UNC13C: variants seen among roughly 807,000 people sequenced by gnomAD.
UNC13C encodes protein unc-13 homolog C.
Under a neutral mutation model 245.4 loss-of-function variants are expected in UNC13C, and 174 were observed. The ratio of observed to expected loss-of-function variants is 0.71; its 90% CI spans 0.63 to 0.80. UNC13C has a LOEUF of 0.80. Ranked by LOEUF, UNC13C falls within the 30% of genes least tolerant of loss-of-function variation. The pLI is 0.00. For missense variants in UNC13C, 2,829 were observed against 2,602.9 expected (o/e 1.09, Z -1.89); for synonymous variants, 992 against 895.1 (o/e 1.11, Z -1.93).
At chr15:54,346,921 A>G (rs192859984) in intron 17 of UNC13C, among the ~76,000 whole-genome samples, 24 of 152,320 alleles carry the variant, frequency 1.6e-4, no homozygotes, top group Admixed American at 1.4e-3. Context: ...AACAAACGAT[A>G]GTTTCTTTAA....
chr15:54,150,142 A>AT (rs2032451849), intron 4 of UNC13C, among the ~76,000 whole-genome samples: 1 of 151,972 alleles, frequency 6.6e-6, no homozygotes, highest in Non-Finnish European at 1.5e-5. Context: ...TAGTGTTTCT[A>AT]TTTTTTTGGT....
chr15:54,116,137 G>C lies in UNC13C; in HGVS notation c.2984-26881G>C, dbSNP rs1034169121. On this transcript the variant is annotated intron_variant, in intron 2 of 32. Transcript: ENST00000260323. ...ACCTACCCTTCCCAGAATTTTATTG[G>C]TTTAATTGAAACATAATAGATGTAC... Among the ~76,000 whole-genome samples the C allele has an allele frequency of 4.6e-4, 69 of 151,518 alleles. 1 individual carries two copies. The highest frequency in any genetic ancestry group is 1.5e-4 in the Non-Finnish European group (10 of 67,856).
At chr15:53,868,023 A>AG in the UNC13C span, among the ~76,000 whole-genome samples, 1 of 152,148 alleles carries the variant, frequency 6.6e-6, no homozygotes, top group Admixed American at 6.5e-5. Context: ...TTTGTAGAGG[A>AG]GGGGTCTACC....
intron 19 of UNC13C, among the ~76,000 whole-genome samples, chr15:54,463,430 G>T (rs1311290998): frequency 2.0e-5 from 3 of 151,712 alleles, no homozygotes; most frequent in Non-Finnish European, 2.9e-5. Flanking sequence ...CTGCCTTTAT[G>T]AGCTGTAACA....
the UNC13C span, among the ~76,000 whole-genome samples, chr15:53,894,487 T>C: frequency 6.6e-6 from 1 of 152,204 alleles, no homozygotes; most frequent in Non-Finnish European, 1.5e-5. Context: ...GCTTTCCTTA[T>C]AGCAAGAAGT....
At chr15:54,009,683 A>G (rs1432576886) in intron 1 of UNC13C, among the ~76,000 whole-genome samples, 2 of 151,990 alleles carry the variant, frequency 1.3e-5, no homozygotes, top group African/African-American at 4.8e-5. Flanking sequence ...CGTAGCTGGG[A>G]CTACAGGCAT....
At chr15:54,521,267 G>T (rs1364531422) in intron 24 of UNC13C, among the ~76,000 whole-genome samples, 1 of 152,144 alleles carries the variant, frequency 6.6e-6, no homozygotes. Flanking sequence ...CTTCCTTCCT[G>T]ATTTGCACTT....
At chr15:54,039,591 T>C (rs1311014426) in intron 2 of UNC13C, among the ~76,000 whole-genome samples, 2 of 152,118 alleles carry the variant, frequency 1.3e-5, no homozygotes, top group Non-Finnish European at 2.9e-5. Context: ...GTTCTTGGAC[T>C]CTTTTTTTTC....
At chr15:54,101,272 TC>T (rs1459261826) in intron 2 of UNC13C, among the ~76,000 whole-genome samples, 8 of 152,134 alleles carry the variant, frequency 5.3e-5, no homozygotes. Context: ...AATCCAAATT[TC>T]TTGATTCACA....
intron 30 of UNC13C, among the ~76,000 whole-genome samples, chr15:54,584,059 T>C (rs1898346981): frequency 6.6e-6 from 1 of 152,182 alleles, no homozygotes; most frequent in Non-Finnish European, 1.5e-5. Flanking sequence ...CTTCTGTTCC[T>C]GCGTTTTGGT....
intron 6 of UNC13C, among the ~76,000 whole-genome samples, chr15:54,237,281 C>T (rs2035726453): frequency 6.6e-6 from 1 of 152,144 alleles, no homozygotes; most frequent in Admixed American, 6.5e-5. Context: ...TATATCACAA[C>T]CACCTTGAGG....
rs965619759 is a variant in UNC13C at position 54,015,860 on chromosome 15, A to C, written c.2957A>C (p.Glu986Ala). 2.5e-6 allele frequency: 4 copies of C among 1,596,528 alleles called. No individual in the cohort carries two copies. In the Admixed American group the frequency reaches 7.2e-5, roughly 29 times the overall value. ...AGGGCCTATAAAAAGCAAATGGCAG[A>C]GTTGGAAGAGAAGATCTTGGCTGGA... is the stretch of plus-strand genomic sequence containing the variant. ...ALRAYKKQMAELEEKILAGDS... is the reference protein window; with the variant it reads ...ALRAYKKQMAALEEKILAGDS... Residue 986 changes from glutamate to alanine, a missense_variant, in exon 2 of 33, where the codon GAG becomes GCG. Transcript: ENST00000260323.
chr15:54,256,950 T>C (rs954871838), intron 8 of UNC13C, among the ~76,000 whole-genome samples: 3 of 152,176 alleles, frequency 2.0e-5, no homozygotes, highest in African/African-American at 7.2e-5. Flanking sequence ...ACGTCTAAGT[T>C]TGGCGCTCTT....
In UNC13C at chr15:54,149,598, TC is replaced by T. The variant is rs1426448225; in HGVS notation, c.3071+5916del. Among the ~76,000 whole-genome samples the T allele has an allele frequency of 2.0e-5, 3 of 152,228 alleles. No homozygotes were observed. In the East Asian group the frequency reaches 5.8e-4, roughly 29 times the overall value. ...CTGAGACTGATCTTCTAACCAATCT[TC>T]CTTTGTTAATTTCTTCTTCCACATT... is the stretch of plus-strand genomic sequence containing the variant. On this transcript the variant is annotated intron_variant, in intron 4 of 32. Coordinates refer to ENST00000260323, the MANE Select transcript of UNC13C (RefSeq NM_001080534.3).
chr15:54,414,650 A>G (rs1022211146), intron 18 of UNC13C, among the ~76,000 whole-genome samples: 3 of 152,068 alleles, frequency 2.0e-5, no homozygotes, highest in Non-Finnish European at 4.4e-5. Context: ...TGTCTCAAAA[A>G]AAAAAGAAGA....
chr15:54,083,312 T>C (rs1899056051), intron 2 of UNC13C, among the ~76,000 whole-genome samples: 1 of 152,158 alleles, frequency 6.6e-6, no homozygotes, highest in South Asian at 2.1e-4. Context: ...TATGGCCCTC[T>C]GGCAGCGACC....
intron 1 of UNC13C, among the ~76,000 whole-genome samples, chr15:53,981,563 C>T (rs922472020): frequency 2.0e-5 from 3 of 152,042 alleles, no homozygotes; most frequent in African/African-American, 7.2e-5. Context: ...TATTACAAAT[C>T]CTTTCTGGAT....
intron 24 of UNC13C, among the ~76,000 whole-genome samples, chr15:54,525,246 G>C (rs575734628): frequency 6.6e-6 from 1 of 152,194 alleles, no homozygotes; most frequent in South Asian, 2.1e-4. Context: ...ATCATGTTCT[G>C]GAGGATATTT....
chr15:54,257,707 T>C (rs978849734), intron 8 of UNC13C, among the ~76,000 whole-genome samples: 7 of 152,182 alleles, frequency 4.6e-5, no homozygotes, highest in Non-Finnish European at 8.8e-5. Flanking sequence ...TCCAATTACC[T>C]ACTGTTAAAT....
Sources: allele counts gnomAD v4.1 joint callset (sites outside exome capture counted in the v4.1 genomes callset), GRCh38; gene constraint gnomAD v4.1.1; transcripts MANE v1.5; gene names NCBI Gene and HGNC (gene_info 2026-07-23, HGNC 2026-07-21).